The following PCLO variants were observed in gnomAD, a reference collection of about 807,000 sequenced individuals.
The protein encoded by PCLO is piccolo presynaptic cytomatrix protein.
A neutral mutation model predicts 427.5 loss-of-function variants in PCLO; 82 were observed. The observed-to-expected ratio is 0.19, with a 90% CI of 0.16 to 0.23. PCLO has a LOEUF of 0.23. Ranked by LOEUF, PCLO falls within the 10% of genes least tolerant of loss-of-function variation. The pLI, the probability that PCLO is intolerant of heterozygous loss-of-function variation, is 1.00. For missense variants in PCLO, 6,239 were observed against 6,115.9 expected (o/e 1.02, Z -0.67); for synonymous variants, 2,357 against 2,155.4 (o/e 1.09, Z -2.59).
chr7:83,013,812 G>A (rs1788144070), intron 3 of PCLO, among the ~76,000 whole-genome samples: 1 of 152,062 alleles, frequency 6.6e-6, no homozygotes, highest in Non-Finnish European at 1.5e-5. Flanking sequence ...TAGTGTTTTT[G>A]GAAATAGCAC....
chr7:82,908,867 T>C lies in PCLO; in HGVS notation c.13437+10A>G, dbSNP rs765084186. ...TAAATCTAAAAGAAATTGCTAAATA[T>C]AGCACTTACTTGCTCTTGATGTTGA... On this transcript the variant is annotated intron_variant, in intron 8 of 24. Coordinates refer to ENST00000333891, the MANE Select transcript of PCLO (RefSeq NM_033026.6). 8.1e-6 allele frequency: 13 copies of C among 1,610,260 alleles called. No individual in the cohort carries two copies. The African/African-American group carries it at 1.1e-4, about 13-fold the overall frequency.
At chr7:83,137,216 C>G (rs2116625690) in intron 2 of PCLO, among the ~76,000 whole-genome samples, 1 of 152,270 alleles carries the variant, frequency 6.6e-6, no homozygotes, top group Non-Finnish European at 1.5e-5. Flanking sequence ...CATTCCTAAA[C>G]ATTTTAAAAC....
intron 1 of PCLO, among the ~76,000 whole-genome samples, chr7:83,156,689 T>C (rs1023344417): frequency 6.6e-6 from 1 of 151,778 alleles, no homozygotes; most frequent in African/African-American, 2.4e-5. Context: ...TAATTTACCT[T>C]TGCACTTAAT....
Position 83,008,511 on chromosome 7 carries a change from T to G in PCLO, c.3301-42024A>C, listed in dbSNP as rs1465295178. Among the ~76,000 whole-genome samples the G allele has an allele frequency of 2.6e-5, 4 of 151,850 alleles. No homozygotes were observed. The Admixed American group carries it at 2.6e-4, about 10-fold the overall frequency. ...AAGTAAGTTCATCAAGTTTCAAGATTACTGTTAGTAAAATGAGAAACTGAG... is the reference window on the plus strand; with the variant it reads ...AAGTAAGTTCATCAAGTTTCAAGATGACTGTTAGTAAAATGAGAAACTGAG... On this transcript the variant is annotated intron_variant, in intron 3 of 24. Coordinates refer to ENST00000333891, the MANE Select transcript of PCLO (RefSeq NM_033026.6).
At chr7:82,937,326 C>A (rs1374026074) in intron 6 of PCLO, among the ~76,000 whole-genome samples, 1 of 150,714 alleles carries the variant, frequency 6.6e-6, no homozygotes. Context: ...CTGTTAACAT[C>A]CACACTACAG....
rs962961752 is a variant in PCLO, at chr7:83,134,786, T to C, written c.2764A>G (p.Thr922Ala). 30 of 1,613,512 alleles carry C rather than the reference T, an allele frequency of 1.9e-5. No homozygotes were observed. The highest frequency in any genetic ancestry group is 2.5e-5 in the Non-Finnish European group (30 of 1,179,852). Residue 922 changes from threonine (T) to alanine (A), a missense_variant, in exon 3 of 25, where the codon ACT (threonine) becomes GCT (alanine). Thr to Ala is a moderately conservative substitution (Grantham distance 58). Coordinates refer to ENST00000333891, the MANE Select transcript of PCLO (RefSeq NM_033026.6). ...TTCCCAGTCACGGTCTCTTGAGGAGTTGTAGGCTGTGATTTGGGGGCATCA... is the reference window on the plus strand; with the variant it reads ...TTCCCAGTCACGGTCTCTTGAGGAGCTGTAGGCTGTGATTTGGGGGCATCA... ...ITDAPKSQPT[T>A]PQETVTGKLF...
At chr7:82,791,457 G>T (rs1004197052) in intron 22 of PCLO, among the ~76,000 whole-genome samples, 1 of 152,192 alleles carries the variant, frequency 6.6e-6, no homozygotes, top group Non-Finnish European at 1.5e-5. Flanking sequence ...AATTGCATCT[G>T]CTTAGTGCAG....
At chr7:82,838,998 C>T (rs961236590) in intron 14 of PCLO, among the ~76,000 whole-genome samples, 4 of 151,958 alleles carry the variant, frequency 2.6e-5, no homozygotes, top group Non-Finnish European at 5.9e-5. Flanking sequence ...TTATTGGCTG[C>T]TGCACAATTG....
intron 4 of PCLO, among the ~76,000 whole-genome samples, chr7:82,959,489 G>C (rs543068901): frequency 1.3e-4 from 19 of 151,976 alleles, no homozygotes; most frequent in African/African-American, 4.4e-4. Flanking sequence ...AAAAAGTTAC[G>C]GTTTTATATA....
chr7:83,000,635 A>G (rs756529906), intron 3 of PCLO, among the ~76,000 whole-genome samples: 14 of 151,960 alleles, frequency 9.2e-5, no homozygotes, highest in Non-Finnish European at 5.9e-5. Context: ...AGTAGGGTTC[A>G]CACTCCTTTG....
Position 82,926,636 on chromosome 7 carries a change from T to C in PCLO, c.11113-9763A>G, listed in dbSNP as rs1325226042. Among the ~76,000 whole-genome samples the C allele has an allele frequency of 2.6e-5, 4 of 152,190 alleles. No homozygotes were observed. In the East Asian group the frequency reaches 7.7e-4, roughly 29 times the overall value. ...GCGCCTCTTGTCCCAGTTTGTTTTGTTTTCTTGCTTAAAGTCATTGCTCTT... is the reference window on the plus strand; with the variant it reads ...GCGCCTCTTGTCCCAGTTTGTTTTGCTTTCTTGCTTAAAGTCATTGCTCTT... On this transcript the variant is annotated intron_variant, in intron 6 of 24. Coordinates refer to ENST00000333891, the MANE Select transcript of PCLO (RefSeq NM_033026.6).
At chr7:82,997,454 T>C (rs1414822985) in intron 3 of PCLO, among the ~76,000 whole-genome samples, 5 of 152,028 alleles carry the variant, frequency 3.3e-5, no homozygotes, top group Non-Finnish European at 7.4e-5. Context: ...TTTCTTGTTA[T>C]GTTTGCCATC....
chr7:82,953,237 A>G lies in PCLO; in HGVS notation c.7716T>C (p.Phe2572=), dbSNP rs754120037. ...CATAAGTTTCTGTGAGGGATTTGGAAAATCTTGGTGAAGACTTGTTGGAGT... is the reference window on the plus strand; with the variant it reads ...CATAAGTTTCTGTGAGGGATTTGGAGAATCTTGGTGAAGACTTGTTGGAGT... ...SPHSNKSSPR[F]SKSLTETYVV... The change falls in exon 5 of 25, where the codon TTT becomes TTC. Residue 2572 remains phenylalanine (F), a synonymous_variant. Transcript: ENST00000333891. 19 of 1,613,826 alleles carry G rather than the reference A, an allele frequency of 1.2e-5. No homozygotes were observed. Among genetic ancestry groups the G allele is most frequent in the Non-Finnish European group, 1.5e-5 (18 of 1,179,874 alleles).
At chr7:82,856,058 G>C (rs1792797308) in intron 10 of PCLO, among the ~76,000 whole-genome samples, 1 of 152,090 alleles carries the variant, frequency 6.6e-6, no homozygotes, top group African/African-American at 2.4e-5. Flanking sequence ...AGGAAAGTGT[G>C]CTAGCTTTGA....
chr7:82,885,901 T>C (rs147406688), intron 9 of PCLO, among the ~76,000 whole-genome samples: 189 of 152,256 alleles, frequency 1.2e-3, no homozygotes, highest in African/African-American at 4.2e-3. Flanking sequence ...GCCCATATTC[T>C]TTCTCCAAAG....
rs1199445166 is a variant in PCLO at position 83,057,348 on chromosome 7, A to AT, written c.3300+76901dup. 4.5e-3 allele frequency among the ~76,000 whole-genome samples: 89 copies of AT among 19,630 alleles called. 8 individuals are homozygous for AT. The highest frequency in any genetic ancestry group is 5.7e-3 in the Non-Finnish European group (64 of 11,150). 12.9% of individuals were successfully genotyped at this position (19,630 alleles called of 152,430 possible). ...TATATATATATATATATATATATAT[A>AT]TTTTTTTTTTTTTTTTTTTTTTTTT... On this transcript the variant is annotated intron_variant, in intron 3 of 24. Coordinates refer to ENST00000333891, the MANE Select transcript of PCLO (RefSeq NM_033026.6).
intron 3 of PCLO, among the ~76,000 whole-genome samples, chr7:83,044,695 G>A (rs1449132604): frequency 6.6e-6 from 1 of 151,970 alleles, no homozygotes. Context: ...TATACTGATT[G>A]GTAATTTGGA....
chr7:82,939,748 GTAAATA>G (rs1398755467), intron 6 of PCLO, among the ~76,000 whole-genome samples: 1 of 147,942 alleles, frequency 6.8e-6, no homozygotes, highest in Non-Finnish European at 1.5e-5. Flanking sequence ...ATATAAATAT[GTAAATA>G]TAAATATATT....
At chr7:83,110,525 C>CT (rs1477861734) in intron 3 of PCLO, among the ~76,000 whole-genome samples, 6 of 152,180 alleles carry the variant, frequency 3.9e-5, no homozygotes, top group African/African-American at 1.4e-4. Flanking sequence ...TTTCCTAACT[C>CT]TCGGGTCATA....
Sources: allele counts gnomAD v4.1 joint callset (sites outside exome capture counted in the v4.1 genomes callset), GRCh38; gene constraint gnomAD v4.1.1; transcripts MANE v1.5; gene names NCBI Gene and HGNC (gene_info 2026-07-23, HGNC 2026-07-21).